Variants in ASPG observed in about 807,000 individuals in gnomAD.
ASPG encodes the protein asparaginase.
Under a neutral mutation model 63.2 loss-of-function variants are expected in ASPG, and 53 were observed. The ratio of observed to expected loss-of-function variants is 0.84; its 90% CI spans 0.67 to 1.05. The LOEUF is 1.05. Among genes scored for constraint, ASPG ranks in the 50% least tolerant of loss-of-function variants. The pLI is 0.00. For missense variants in ASPG, 741 were observed against 794.4 expected (o/e 0.93, Z 0.81); for synonymous variants, 370 against 355.0 (o/e 1.04, Z -0.48).
chr14:104,094,169 G>A (rs1215347482), intron 3 of ASPG, among the ~76,000 whole-genome samples: 2 of 151,952 alleles, frequency 1.3e-5, no homozygotes, highest in Admixed American at 6.5e-5. Context: ...GGGCGTATAG[G>A]GCCAAGTCGA....
At chr14:104,093,379 G>A (rs766441493) in intron 2 of ASPG, 112 bp from the exon 3 acceptor site, 11 of 990,310 alleles carry the variant, frequency 1.1e-5, no homozygotes, top group Admixed American at 3.6e-5. Flanking sequence ...AGCCCTTGGC[G>A]TAGGGGCCCC....
At chr14:104,112,187 GAGA>G (rs2037402959) in intron 15 of ASPG, among the ~76,000 whole-genome samples, 187 bp downstream of exon 15, 1 of 152,142 alleles carries the variant, frequency 6.6e-6, no homozygotes, top group South Asian at 2.1e-4. Context: ...TAGAGGTGAG[GAGA>G]AGGAGAAAGG....
In ASPG at chr14:104,109,609, T is replaced by G. The variant is rs1347604352; in HGVS notation, c.1520+294T>G. ...ATGTGTGTGGGTGCATGTGTGTGTG[T>G]GTGGTGGGCTTGAGGAGGGGTATGG... is the stretch of plus-strand genomic sequence containing the variant. On this transcript the variant is annotated intron_variant, in intron 13 of 15. Transcript: ENST00000551177. This position sits in a 1 kb window ranked among gnomAD's most constrained non-coding sequence, Gnocchi z 4.8. Among the ~76,000 whole-genome samples, 4 of 143,810 alleles carry G rather than the reference T, an allele frequency of 2.8e-5. No individual in the cohort carries two copies. The highest frequency in any genetic ancestry group is 4.5e-5 in the Non-Finnish European group (3 of 66,316). 94.3% of individuals were successfully genotyped at this position (143,810 alleles called of 152,430 possible). A position where few individuals can be genotyped will look rare whatever the true frequency, so the allele number is the denominator to read the frequency against.
chr14:104,107,106 G>C (rs752795904), intron 11 of ASPG, 76 bp from the exon 12 acceptor site: 1 of 1,501,562 alleles, frequency 6.7e-7, no homozygotes, highest in Non-Finnish European at 8.9e-7. Context: ...CCCTCAGAGG[G>C]ACCCCACCCT....
Position 104,093,513 on chromosome 14 carries a change from A to G in ASPG, c.214A>G (p.Ile72Val). ...CAGCCCGGCCAGCCGCAACCAGAGG[A>G]TTCTCTACACCGTGCTGGAGTGCCA... ...VLPPASRNQR[I>V]LYTVLECQPL... is the part of the protein sequence containing the mutation. The change falls in exon 3 of 16, where the codon ATT (isoleucine) becomes GTT (valine). Residue 72 changes from isoleucine to valine, a missense_variant. By Grantham distance (29) the Ile-to-Val change is conservative. Transcript: ENST00000551177. The G allele has an allele frequency of 1.2e-6, 2 of 1,612,588 alleles. No homozygotes were observed. The highest frequency in any genetic ancestry group is 1.7e-6 in the Non-Finnish European group (2 of 1,179,780).
chr14:104,108,609 T>C, intron 12 of ASPG: 2 of 985,426 alleles, frequency 2.0e-6, no homozygotes, highest in Non-Finnish European at 2.4e-6. Context: ...GCACAGTCTT[T>C]AGGTCACCCT....
chr14:104,097,754 T>C (rs894797905), intron 5 of ASPG, 117 bp downstream of exon 5: 1 of 881,694 alleles, frequency 1.1e-6, no homozygotes, highest in African/African-American at 1.7e-5. Flanking sequence ...AATAGCTGGG[T>C]GCACTGTCTT....
chr14:104,093,965 G>C (rs1487037884), intron 3 of ASPG, among the ~76,000 whole-genome samples: 1 of 151,828 alleles, frequency 6.6e-6, no homozygotes, highest in Admixed American at 6.6e-5. Flanking sequence ...GGTATGGGCG[G>C]GGCTGGTGGA....
Position 104,100,484 on chromosome 14 carries a change from G to C in ASPG, c.640+1505G>C, listed in dbSNP as rs1270178852. Among the ~76,000 whole-genome samples the C allele has an allele frequency of 6.6e-5, 10 of 152,322 alleles. No homozygotes were observed. In the South Asian group the frequency reaches 1.0e-3, roughly 16 times the overall value. ...CAGGTGAGAAACGGAGGCAGAGAGA[G>C]GCAGGCTCCCACAGGGAGGCACCGA... On this transcript the variant is annotated intron_variant, in intron 6 of 15. Transcript: ENST00000551177.
At position 104,093,493 on chromosome 14, in the gene ASPG, C is replaced by T. The variant is rs369717755; in HGVS notation, c.194C>T (p.Pro65Leu). The T allele has an allele frequency of 1.6e-5, 26 of 1,612,218 alleles. No homozygotes were observed. The Middle Eastern group carries it at 1.2e-3, about 72-fold the overall frequency. ...CTCCTGCTGTTTCTGTCCCGCAGCCCGGCCAGCCGCAACCAGAGGATTCTC... is the reference window on the plus strand; with the variant it reads ...CTCCTGCTGTTTCTGTCCCGCAGCCTGGCCAGCCGCAACCAGAGGATTCTC... ...GLSEDTLVLP[P>L]ASRNQRILYT... The change falls in exon 3 of 16, where the codon CCG becomes CTG. Residue 65 changes from proline (P) to leucine (L), a missense_variant and splice_region_variant. Transcript: ENST00000551177.
Position 104,103,625 on chromosome 14 carries a change from G to T in ASPG, c.703G>T (p.Glu235Ter), listed in dbSNP as rs1451424935. Residue 235 changes from glutamate (E) to a stop codon, truncating the protein, a stop_gained, in exon 7 of 16, where the codon GAG (glutamate) becomes TAG (stop). Coordinates refer to ENST00000551177, the MANE Select transcript of ASPG (RefSeq NM_001080464.3). LOFTEE classifies it high-confidence loss of function. ...KAGLVVHSSM[E>*]QDVGLLRLYP... The stretch of plus-strand genomic sequence containing the variant: ...TGGGCTGGTGGTGCACAGCAGCATG[G>T]AGCAGGACGTGGGCCTGCTGCGCCT... The T allele has an allele frequency of 6.5e-7, 1 of 1,548,148 alleles. No individual in the cohort carries two copies. The highest frequency in any genetic ancestry group is 1.2e-5 in the South Asian group (1 of 83,964).
In ASPG at chr14:104,109,115, G is replaced by A; in HGVS notation, c.1434-114G>A. On this transcript the variant is annotated intron_variant, in intron 12 of 15. Coordinates refer to ENST00000551177, the MANE Select transcript of ASPG (RefSeq NM_001080464.3). This position sits in a 1 kb window ranked among gnomAD's most constrained non-coding sequence, Gnocchi z 4.8. ...CTGAGGCTAGGGCTGTGGGGTCTTG[G>A]GCCGGCCGGTCCCCGTCCCTGTGCA... 6.6e-7 allele frequency: 1 copy of A among 1,520,376 alleles called. No individual in the cohort carries two copies. The highest frequency in any genetic ancestry group is 8.8e-7 in the Non-Finnish European group (1 of 1,135,192). 94.2% of individuals were successfully genotyped at this position (1,520,376 alleles called of 1,614,324 possible). A position where few individuals can be genotyped will look rare whatever the true frequency, so the allele number is the denominator to read the frequency against.
In ASPG at chr14:104,110,936, C is replaced by G. The variant is rs1324900076; in HGVS notation, c.1521-566C>G. ...GGTGGGCCCAGACCCCTGTCCCAGCCAGGACCCCCCCATGCAGTCTGCCGG... is the reference window on the plus strand; with the variant it reads ...GGTGGGCCCAGACCCCTGTCCCAGCGAGGACCCCCCCATGCAGTCTGCCGG... On this transcript the variant is annotated intron_variant, in intron 13 of 15. Transcript: ENST00000551177. The surrounding 1 kb of genome is among the most constrained non-coding windows in gnomAD (Gnocchi z 4.7). The G allele has an allele frequency of 1.0e-6, 1 of 985,268 alleles. No homozygotes were observed. 61.0% of individuals were successfully genotyped at this position (985,268 alleles called of 1,614,324 possible). A position where few individuals can be genotyped will look rare whatever the true frequency, so the allele number is the denominator to read the frequency against.
chr14:104,111,072 G>A (rs1400832195), intron 13 of ASPG: 3 of 985,428 alleles, frequency 3.0e-6, no homozygotes, highest in Non-Finnish European at 2.4e-6. Flanking sequence ...GGGAAGAGCG[G>A]TGTGTTGTGT....
At chr14:104,094,884 G>C (rs1464185878) in intron 3 of ASPG, among the ~76,000 whole-genome samples, 2 of 152,194 alleles carry the variant, frequency 1.3e-5, no homozygotes, top group Non-Finnish European at 2.9e-5. Context: ...AGGCCTACGG[G>C]GCTTGGTCTT....
chr14:104,104,959 T>C, intron 9 of ASPG: 1 of 583,060 alleles, frequency 1.7e-6, no homozygotes, highest in Non-Finnish European at 3.0e-6. Context: ...CCGCCTGTCC[T>C]TGTGCCTTCT....
At chr14:104,112,295 C>T (rs376539152) in intron 15 of ASPG, among the ~76,000 whole-genome samples, 7 of 152,174 alleles carry the variant, frequency 4.6e-5, no homozygotes, top group African/African-American at 1.2e-4. Context: ...CCTGCCCCTG[C>T]GCCCTGCCCC....
chr14:104,111,778 G>A (rs2037391577), intron 14 of ASPG, 142 bp from the exon 15 acceptor site: 5 of 974,858 alleles, frequency 5.1e-6, no homozygotes, highest in African/African-American at 4.9e-5. Flanking sequence ...TCTGAGTGGT[G>A]GGGGTGACGA....
intron 5 of ASPG, among the ~76,000 whole-genome samples, chr14:104,098,218 G>A (rs994611166): frequency 1.3e-4 from 20 of 152,174 alleles, no homozygotes; most frequent in African/African-American, 4.6e-4. Context: ...TTAGAGATAC[G>A]TATGGAGGTT....
Sources: gnomAD v4.1 joint callset for allele counts (sites outside exome capture counted in the v4.1 genomes callset) on GRCh38, gnomAD v4.1.1 for gene constraint, Gnocchi (gnomAD v3.1) non-coding constraint, MANE v1.5 for transcripts, NCBI Gene and HGNC (gene_info 2026-07-23, HGNC 2026-07-21) for gene names.